Variants in BORCS5 observed in about 807,000 individuals in gnomAD.
The protein encoded by BORCS5 is BLOC-1-related complex subunit 5.
In BORCS5, 17 loss-of-function variants were observed where a neutral mutation model predicts 22.1. That is an observed-to-expected ratio of 0.77 (90% CI 0.53 to 1.15). BORCS5 has a LOEUF of 1.15. Ranked by LOEUF, BORCS5 falls within the 50% of genes most tolerant of loss-of-function variation. The pLI, the probability that BORCS5 is intolerant of heterozygous loss-of-function variation, is 0.00. For synonymous variants in BORCS5, 117 were observed against 99.8 expected, an observed-to-expected ratio of 1.17 and a Z score of -1.03; for missense variants, 247 against 253.2, an observed-to-expected ratio of 0.98 and a Z score of 0.17.
At chr12:12,400,571 G>T (rs1941444503) in intron 2 of BORCS5, among the ~76,000 whole-genome samples, 1 of 142,146 alleles carries the variant, frequency 7.0e-6, no homozygotes, top group African/African-American at 2.8e-5. Flanking sequence ...TTTTTCATTT[G>T]CAGTATGTCA....
chr12:12,368,187 T>C (rs991716940), intron 2 of BORCS5, among the ~76,000 whole-genome samples: 10 of 152,144 alleles, frequency 6.6e-5, no homozygotes, highest in South Asian at 6.2e-4. Context: ...CATCCTCCTC[T>C]TCTTTTCCGT....
rs145083109 is a variant in BORCS5, at chr12:12,424,333, A to G, written c.203-11295A>G. ...CTCAAATCTGCCTTTGAATCCCTGC[A>G]TTGAATTTTTCGTATCAGTTATTTC... On this transcript the variant is annotated intron_variant, in intron 2 of 3. Coordinates refer to ENST00000314565, the MANE Select transcript of BORCS5 (RefSeq NM_058169.6). 4.2e-4 allele frequency among the ~76,000 whole-genome samples: 64 copies of G among 152,202 alleles called. 1 individual carries two copies. Among genetic ancestry groups the G allele is most frequent in the East Asian group, 1.9e-3 (10 of 5,186 alleles).
At chr12:12,400,695 C>A (rs1178777740) in intron 2 of BORCS5, among the ~76,000 whole-genome samples, 1 of 151,978 alleles carries the variant, frequency 6.6e-6, no homozygotes, top group Non-Finnish European at 1.5e-5. Context: ...AAGAAAAATA[C>A]ACGTTTCAAA....
At chr12:12,445,262 G>A (rs762826052) in intron 3 of BORCS5, among the ~76,000 whole-genome samples, 10 of 152,006 alleles carry the variant, frequency 6.6e-5, no homozygotes, top group African/African-American at 2.4e-5. Context: ...GGCTGGTCTT[G>A]AACTCCTGGC....
At chr12:12,360,305 T>A (rs1265309120) in intron 1 of BORCS5, among the ~76,000 whole-genome samples, 1 of 152,188 alleles carries the variant, frequency 6.6e-6, no homozygotes, top group East Asian at 1.9e-4. Context: ...GAGGTTGCAG[T>A]GAGCCGAGAT....
chr12:12,454,942 G>A (rs1942972212), intron 3 of BORCS5, among the ~76,000 whole-genome samples: 1 of 152,144 alleles, frequency 6.6e-6, no homozygotes, highest in South Asian at 2.1e-4. Context: ...CAGGCCTTCT[G>A]ACTTACTTTG....
intron 2 of BORCS5, among the ~76,000 whole-genome samples, chr12:12,363,664 G>A (rs1863343426): frequency 6.6e-6 from 1 of 151,976 alleles, no homozygotes; most frequent in Non-Finnish European, 1.5e-5. Flanking sequence ...ATGAACCTGG[G>A]AGGCAGAGCT....
chr12:12,389,580 G>A (rs1275692375), intron 2 of BORCS5, among the ~76,000 whole-genome samples: 1 of 152,078 alleles, frequency 6.6e-6, no homozygotes, highest in African/African-American at 2.4e-5. Context: ...TCTGATGCAG[G>A]TATGAGCTCC....
At chr12:12,398,072 T>G (rs1290459275) in intron 2 of BORCS5, among the ~76,000 whole-genome samples, 1 of 152,226 alleles carries the variant, frequency 6.6e-6, no homozygotes, top group Non-Finnish European at 1.5e-5. Context: ...TGTATACATG[T>G]GTATAGCGCT....
intron 1 of BORCS5, among the ~76,000 whole-genome samples, chr12:12,360,020 T>C (rs1426788919): frequency 2.0e-5 from 3 of 152,120 alleles, no homozygotes; most frequent in African/African-American, 7.2e-5. Flanking sequence ...TACTTTTGTG[T>C]GCTGAAAAAG....
chr12:12,430,077 AAGAT>A (rs1363499335), intron 2 of BORCS5, among the ~76,000 whole-genome samples: 1 of 152,160 alleles, frequency 6.6e-6, no homozygotes, highest in Non-Finnish European at 1.5e-5. Flanking sequence ...ATGAGATAAA[AAGAT>A]AAGCAAAACG....
At chr12:12,445,529 CTTTTTTTTTTTTTT>C (rs56356376) in intron 3 of BORCS5, among the ~76,000 whole-genome samples, 1 of 39,010 alleles carries the variant, frequency 2.6e-5, no homozygotes, top group Non-Finnish European at 4.3e-5. Flanking sequence ...TTTGAAATAC[CTTTTTTTTTTTTTT>C]TTTTTTTTTT....
chr12:12,417,934 A>T (rs762919048), intron 2 of BORCS5, among the ~76,000 whole-genome samples: 2 of 150,604 alleles, frequency 1.3e-5, no homozygotes, highest in Non-Finnish European at 3.0e-5. Flanking sequence ...GAGCCACCAC[A>T]CTTGATTTGA....
chr12:12,461,322 T>C (rs1943100584), intron 3 of BORCS5, among the ~76,000 whole-genome samples: 1 of 151,708 alleles, frequency 6.6e-6, no homozygotes, highest in Non-Finnish European at 1.5e-5. Flanking sequence ...GTGTGTTCCA[T>C]CACACCTGGC....
intron 2 of BORCS5, among the ~76,000 whole-genome samples, chr12:12,414,967 C>T (rs1036116655): frequency 2.3e-5 from 3 of 129,510 alleles, no homozygotes; most frequent in African/African-American, 5.7e-5. Context: ...CGGGCAGAGA[C>T]GCTCCTCACT....
chr12:12,365,099 C>T (rs1025295346), intron 2 of BORCS5, among the ~76,000 whole-genome samples: 4 of 152,168 alleles, frequency 2.6e-5, no homozygotes, highest in African/African-American at 4.8e-5. Flanking sequence ...ATTATGTTGT[C>T]TGGCTTTGTT....
At chr12:12,435,502 CA>C in intron 2 of BORCS5, 125 bp from the exon 3 acceptor site, 1 of 782,662 alleles carries the variant, frequency 1.3e-6, no homozygotes, top group Middle Eastern at 3.3e-4. Context: ...TTGTCATTAA[CA>C]TATAACAAAA....
intron 2 of BORCS5, among the ~76,000 whole-genome samples, chr12:12,434,775 A>G (rs1223640905): frequency 6.6e-6 from 1 of 152,236 alleles, no homozygotes; most frequent in African/African-American, 2.4e-5. Flanking sequence ...TTTAATTTTT[A>G]TAGGTGAATA....
chr12:12,427,343 G>A (rs1238228680), intron 2 of BORCS5, among the ~76,000 whole-genome samples: 2 of 151,882 alleles, frequency 1.3e-5, no homozygotes, highest in African/African-American at 4.8e-5. Context: ...ACCACGCCCA[G>A]CTAATTTTTT....
Sources: allele counts gnomAD v4.1 joint callset (sites outside exome capture counted in the v4.1 genomes callset), GRCh38; gene constraint gnomAD v4.1.1; transcripts MANE v1.5; gene names NCBI Gene and HGNC (gene_info 2026-07-23, HGNC 2026-07-21).